The following SLC35F4 variants were observed in gnomAD, a reference collection of about 807,000 sequenced individuals.
SLC35F4 encodes solute carrier family 35 member F4, also known as chromosome 14 open reading frame 36.
A neutral mutation model predicts 44.2 loss-of-function variants in SLC35F4; 24 were observed. The ratio of observed to expected loss-of-function variants is 0.54; its 90% CI spans 0.39 to 0.76. The LOEUF is 0.76. Among genes scored for constraint, SLC35F4 ranks in the 30% least tolerant of loss-of-function variants. The probability of loss-of-function intolerance (pLI) is 0.00; values close to 1 mark genes in which losing one functional copy is unlikely to be tolerated. For missense variants in SLC35F4, 562 were observed against 586.1 expected (o/e 0.96, Z 0.42); for synonymous variants, 238 against 223.6 (o/e 1.06, Z -0.57).
upstream of SLC35F4, among the ~76,000 whole-genome samples, chr14:57,870,922 A>G (rs938218519): frequency 1.3e-5 from 2 of 152,222 alleles, no homozygotes; most frequent in Non-Finnish European, 2.9e-5. Context: ...TCAGAAGTTC[A>G]GTGCTTTGCA....
intron 1 of SLC35F4, among the ~76,000 whole-genome samples, chr14:57,661,687 A>T (rs2074142181): frequency 1.3e-5 from 2 of 152,212 alleles, no homozygotes; most frequent in African/African-American, 4.8e-5. Context: ...TGTGCTCTTC[A>T]TGATGGGGTC....
At chr14:57,881,786 T>G (rs1595265709) in intron 1 of SLC35F4, among the ~76,000 whole-genome samples, 2 of 128,470 alleles carry the variant, frequency 1.6e-5, no homozygotes, top group African/African-American at 3.5e-5. Context: ...AGATTTGGGG[T>G]TTTTTTAAAG....
intron 1 of SLC35F4, chr14:57,596,454 T>A (rs1256605003): frequency 3.3e-6 from 1 of 302,102 alleles, no homozygotes; most frequent in Non-Finnish European, 6.4e-6. Flanking sequence ...ATTATTCCTG[T>A]TCTTCAAGAG....
intron 1 of SLC35F4, among the ~76,000 whole-genome samples, chr14:57,732,997 G>T (rs932323265): frequency 3.9e-5 from 6 of 152,078 alleles, no homozygotes; most frequent in African/African-American, 1.2e-4. Context: ...AAGGTGACAG[G>T]AAGGGCAGTG....
intron 1 of SLC35F4, among the ~76,000 whole-genome samples, chr14:57,600,272 A>G (rs192383725): frequency 3.9e-5 from 6 of 152,352 alleles, no homozygotes; most frequent in East Asian, 1.9e-4. Context: ...GACCTTTTCC[A>G]TGACTAAGAT....
At position 57,679,457 on chromosome 14, in the gene SLC35F4, T is replaced by G. The variant is rs545047597; in HGVS notation, c.104-85333A>C. 2.6e-5 allele frequency among the ~76,000 whole-genome samples: 4 copies of G among 151,782 alleles called. No homozygotes were observed. The East Asian group carries it at 7.8e-4, about 29-fold the overall frequency. On this transcript the variant is annotated intron_variant, in intron 1 of 7. Coordinates refer to ENST00000556826, the MANE Select transcript of SLC35F4 (RefSeq NM_001306087.2). ...AAAATTGACACCCTAATACCACAAT[T>G]AAAAGAACTAGAGAAGCAGGAGCAA...
At chr14:57,825,986 C>T (rs1274326704) in intron 1 of SLC35F4, among the ~76,000 whole-genome samples, 1 of 152,278 alleles carries the variant, frequency 6.6e-6, no homozygotes, top group South Asian at 2.1e-4. Flanking sequence ...GTACCATTGA[C>T]ATTCTTCACA....
chr14:57,852,835 T>C (rs1886705091), intron 1 of SLC35F4, among the ~76,000 whole-genome samples: 1 of 152,142 alleles, frequency 6.6e-6, no homozygotes, highest in Non-Finnish European at 1.5e-5. Flanking sequence ...AGTAAGATAT[T>C]AGCAGGAAAA....
intron 1 of SLC35F4, among the ~76,000 whole-genome samples, chr14:57,747,988 G>A (rs925598928): frequency 2.6e-5 from 4 of 152,178 alleles, no homozygotes; most frequent in Admixed American, 2.6e-4. Flanking sequence ...TTTCCCCAGT[G>A]TACTTAAACA....
chr14:57,764,776 A>G (rs1395868756), intron 1 of SLC35F4, among the ~76,000 whole-genome samples: 2 of 152,204 alleles, frequency 1.3e-5, no homozygotes, highest in African/African-American at 4.8e-5. Flanking sequence ...TATAACTATG[A>G]TTACTTTCTA....
intron 1 of SLC35F4, among the ~76,000 whole-genome samples, chr14:57,711,250 G>T (rs115514603): frequency 6.6e-6 from 1 of 152,008 alleles, no homozygotes; most frequent in African/African-American, 2.4e-5. Flanking sequence ...TGTGAAGAAG[G>T]CACCTTGCTT....
At chr14:57,880,280 G>GT (rs1444683452) in intron 1 of SLC35F4, among the ~76,000 whole-genome samples, 1 of 152,160 alleles carries the variant, frequency 6.6e-6, no homozygotes, top group Non-Finnish European at 1.5e-5. Context: ...CTCAGTAAAT[G>GT]TAAAATAGTA....
chr14:57,749,247 T>C (rs750565141), intron 1 of SLC35F4, among the ~76,000 whole-genome samples: 5 of 152,188 alleles, frequency 3.3e-5, no homozygotes, highest in Non-Finnish European at 7.3e-5. Flanking sequence ...TCATCCTTTT[T>C]GTTTGGGGAT....
At chr14:57,916,321 G>A (rs1014392567) in intron 1 of SLC35F4, among the ~76,000 whole-genome samples, 6 of 152,174 alleles carry the variant, frequency 3.9e-5, no homozygotes, top group South Asian at 4.1e-4. Flanking sequence ...TCTCAACACC[G>A]TTATGATGGC....
intron 6 of SLC35F4, among the ~76,000 whole-genome samples, chr14:57,567,659 C>T (rs2068274055): frequency 6.6e-6 from 1 of 152,204 alleles, no homozygotes; most frequent in Non-Finnish European, 1.5e-5. Context: ...AAAGCTGCAA[C>T]ATAAATGAAT....
chr14:57,906,877 A>G (rs1889112319), intron 1 of SLC35F4, among the ~76,000 whole-genome samples: 1 of 152,252 alleles, frequency 6.6e-6, no homozygotes, highest in Non-Finnish European at 1.5e-5. Context: ...GTGTTTCCAC[A>G]GATTTGAGCT....
intron 1 of SLC35F4, among the ~76,000 whole-genome samples, chr14:57,624,425 A>G (rs2072363047): frequency 6.6e-6 from 1 of 152,348 alleles, no homozygotes; most frequent in African/African-American, 2.4e-5. Flanking sequence ...ATAGAAAAAG[A>G]GGGAAGGAAT....
chr14:57,788,398 T>C (rs1566854826), intron 1 of SLC35F4, among the ~76,000 whole-genome samples: 1 of 152,202 alleles, frequency 6.6e-6, no homozygotes, highest in East Asian at 1.9e-4. Flanking sequence ...GATTTAACTA[T>C]ACTTTGGAAC....
At chr14:57,602,557 G>T (rs572320262) in intron 1 of SLC35F4, 2 of 152,202 alleles carry the variant, frequency 1.3e-5, no homozygotes, top group Non-Finnish European at 2.9e-5. Flanking sequence ...ATGGTAGAAA[G>T]AACATTAATA....
Sources: gnomAD v4.1 joint callset for allele counts (sites outside exome capture counted in the v4.1 genomes callset) on GRCh38, gnomAD v4.1.1 for gene constraint, MANE v1.5 for transcripts, NCBI Gene and HGNC (gene_info 2026-07-23, HGNC 2026-07-21) for gene names.